The following CEP72 variants were observed in gnomAD, a reference collection of about 807,000 sequenced individuals.
CEP72 encodes centrosomal protein 72.
A neutral mutation model predicts 65.7 loss-of-function variants in CEP72; 78 were observed. The observed-to-expected ratio is 1.19, with a 90% CI of 0.99 to 1.43. CEP72 has a LOEUF of 1.43. Ranked by LOEUF, CEP72 falls within the 40% of genes most tolerant of loss-of-function variation. The pLI is 0.00. For missense variants in CEP72, 914 were observed against 832.9 expected (o/e 1.10, Z -1.20); for synonymous variants, 358 against 351.7 (o/e 1.02, Z -0.20).
chr5:623,867 T>C lies in CEP72; in HGVS notation c.404-604T>C, dbSNP rs924548091. On this transcript the variant is annotated intron_variant, in intron 3 of 11. Coordinates refer to ENST00000264935, the MANE Select transcript of CEP72 (RefSeq NM_018140.4). This position sits in a 1 kb window ranked among gnomAD's most constrained non-coding sequence, Gnocchi z 5.3. The stretch of plus-strand genomic sequence containing the variant: ...TGATTCTGTAGTTTTTGGGGCGTGC[T>C]GTAGGCTAAATGGAGGCAGCGTGGG... Among the ~76,000 whole-genome samples, 21 of 152,200 alleles carry C rather than the reference T, an allele frequency of 1.4e-4. No homozygotes were observed. Among genetic ancestry groups the C allele is most frequent in the African/African-American group, 5.1e-4 (21 of 41,436 alleles).
downstream of CEP72, among the ~76,000 whole-genome samples, chr5:657,426 C>T (rs984733435): frequency 4.6e-5 from 7 of 152,152 alleles, no homozygotes; most frequent in African/African-American, 1.7e-4. Context: ...CTTTACACCA[C>T]CGTAAAATGA....
At chr5:626,459 C>A (rs1023961141) in intron 4 of CEP72, among the ~76,000 whole-genome samples, 1 of 152,160 alleles carries the variant, frequency 6.6e-6, no homozygotes, top group African/African-American at 2.4e-5. Context: ...TTGTCAAATG[C>A]TTTTTCTGCA....
rs1340184859 is a variant in CEP72 at position 637,814 on chromosome 5, G to A, written c.1202G>A (p.Arg401Lys). The stretch of plus-strand genomic sequence containing the variant: ...AGGTCTCGGGGTGTGACCGACACCA[G>A]AGAGGTGAGAGAAGGGCTGGGGAGC... ...EQRSRGVTDT[R>K]EPSPGSHSAL... Residue 401 changes from arginine (R) to lysine (K), a missense_variant, in exon 7 of 12, where the codon AGA becomes AAA. Physicochemically the swap from Arg to Lys is conservative, Grantham distance 26. Coordinates refer to ENST00000264935, the MANE Select transcript of CEP72 (RefSeq NM_018140.4). 1 of 1,550,838 alleles carries A rather than the reference G, an allele frequency of 6.4e-7. No individual in the cohort carries two copies. Among genetic ancestry groups the A allele is most frequent in the Non-Finnish European group, 8.7e-7 (1 of 1,145,496 alleles).
At chr5:635,909 C>A (rs1431671443) in intron 6 of CEP72, among the ~76,000 whole-genome samples, 13 of 152,056 alleles carry the variant, frequency 8.5e-5, no homozygotes, top group African/African-American at 2.4e-4. Context: ...CCCTGCGATA[C>A]AGCATTCCCG....
intron 4 of CEP72, among the ~76,000 whole-genome samples, chr5:632,188 G>A (rs1579966594): frequency 1.4e-5 from 1 of 73,632 alleles, no homozygotes; most frequent in Non-Finnish European, 2.9e-5. Flanking sequence ...GCCGGGATTT[G>A]GACCAGTCCT....
intron 6 of CEP72, among the ~76,000 whole-genome samples, chr5:636,771 C>T (rs1439204010): frequency 6.8e-6 from 1 of 147,220 alleles, no homozygotes; most frequent in Non-Finnish European, 1.5e-5. Flanking sequence ...GATGGCATCA[C>T]TACACTCCAG....
At chr5:614,813 T>A (rs1735889272) in intron 1 of CEP72, among the ~76,000 whole-genome samples, 1 of 152,236 alleles carries the variant, frequency 6.6e-6, no homozygotes, top group Non-Finnish European at 1.5e-5. Context: ...ATCCAGCATC[T>A]GGTCTATGTT....
intron 4 of CEP72, 139 bp from the exon 5 acceptor site, chr5:633,630 C>T: frequency 1.3e-6 from 1 of 757,718 alleles, no homozygotes; most frequent in Non-Finnish European, 2.2e-6. Context: ...GCAGTGGAAG[C>T]AACAGGACCC....
At chr5:671,940 G>A (rs1740238357), downstream of CEP72, among the ~76,000 whole-genome samples, 1 of 152,224 alleles carries the variant, frequency 6.6e-6, no homozygotes, top group African/African-American at 2.4e-5. Flanking sequence ...GCAGCCCTGA[G>A]GCTCCTGGCC....
rs1736543123 is a variant in CEP72, at chr5:623,632, G to C, written c.404-839G>C. ...AGCTATGCGTCGTTAGTGCGGGGCT[G>C]GTGAAGGCCGGGGTGGAAAGGTTGC... is the stretch of plus-strand genomic sequence containing the variant. On this transcript the variant is annotated intron_variant, in intron 3 of 11. Coordinates refer to ENST00000264935, the MANE Select transcript of CEP72 (RefSeq NM_018140.4). This position sits in a 1 kb window ranked among gnomAD's most constrained non-coding sequence, Gnocchi z 5.3. Among the ~76,000 whole-genome samples the C allele has an allele frequency of 6.6e-6, 1 of 152,126 alleles. No individual in the cohort carries two copies. Among genetic ancestry groups the C allele is most frequent in the East Asian group, 1.9e-4 (1 of 5,176 alleles).
chr5:651,163 G>A (rs1178056946), intron 11 of CEP72, among the ~76,000 whole-genome samples: 1 of 72,110 alleles, frequency 1.4e-5, no homozygotes, highest in Admixed American at 1.4e-4. Flanking sequence ...GGACTGTGAG[G>A]TGTGACTGTG....
chr5:644,916 T>C (rs1271416347), intron 10 of CEP72, among the ~76,000 whole-genome samples: 2 of 152,208 alleles, frequency 1.3e-5, no homozygotes, highest in Non-Finnish European at 1.5e-5. Context: ...TTCCCTCTCT[T>C]CACTTTTTTT....
At chr5:654,891 T>G (rs1313360399), downstream of CEP72, among the ~76,000 whole-genome samples, 1 of 152,190 alleles carries the variant, frequency 6.6e-6, no homozygotes, top group African/African-American at 2.4e-5. Context: ...ACTGTGATAC[T>G]GTCTCTCAGG....
downstream of CEP72, among the ~76,000 whole-genome samples, chr5:657,625 C>A (rs916097946): frequency 6.6e-6 from 1 of 152,206 alleles, no homozygotes; most frequent in Non-Finnish European, 1.5e-5. Context: ...TTCACACAGA[C>A]CATCCTTATG....
At chr5:618,543 A>G (rs115938852) in intron 1 of CEP72, among the ~76,000 whole-genome samples, 1 of 152,142 alleles carries the variant, frequency 6.6e-6, no homozygotes, top group East Asian at 1.9e-4. Context: ...GCCTGGGGCC[A>G]CTGCGCTGGG....
At chr5:622,052 G>T (rs1736429405) in intron 3 of CEP72, among the ~76,000 whole-genome samples, 1 of 152,238 alleles carries the variant, frequency 6.6e-6, no homozygotes, top group Non-Finnish European at 1.5e-5. Context: ...GGGAATACAG[G>T]CGTGGGCCAC....
chr5:650,022 CTG>C (rs1738865882), intron 11 of CEP72, among the ~76,000 whole-genome samples: 1 of 116,578 alleles, frequency 8.6e-6, no homozygotes, highest in Non-Finnish European at 1.8e-5. Context: ...TGAGGTGTGA[CTG>C]TGAGGTGTGA....
At chr5:668,241 C>T (rs1249349625), downstream of CEP72, among the ~76,000 whole-genome samples, 3 of 80,748 alleles carry the variant, frequency 3.7e-5, no homozygotes, top group East Asian at 4.4e-4. Flanking sequence ...GTGTGGGCGC[C>T]GTCAGGGAAG....
intron 8 of CEP72, 53 bp from the exon 9 acceptor site, chr5:640,355 C>T (rs1737925780): frequency 1.3e-6 from 2 of 1,571,106 alleles, no homozygotes; most frequent in East Asian, 4.5e-5. Context: ...ATTTTGTTTA[C>T]ATTTCATCCT....
Sources: allele counts gnomAD v4.1 joint callset (sites outside exome capture counted in the v4.1 genomes callset), GRCh38; gene constraint gnomAD v4.1.1; non-coding constraint Gnocchi (gnomAD v3.1); transcripts MANE v1.5; gene names NCBI Gene and HGNC (gene_info 2026-07-23, HGNC 2026-07-21).